The following PLXDC2 variants were observed in gnomAD, a reference collection of about 807,000 sequenced individuals.
PLXDC2 encodes the protein plexin domain containing 2.
Under a neutral mutation model 68.9 loss-of-function variants are expected in PLXDC2, and 40 were observed. The ratio of observed to expected loss-of-function variants is 0.58; its 90% CI spans 0.45 to 0.76. PLXDC2 has a LOEUF of 0.76. PLXDC2 is among the 30% of genes least tolerant of loss of function. PLXDC2 has a pLI of 0.00. For synonymous variants in PLXDC2, 243 were observed against 234.2 expected (o/e 1.04, Z -0.34); for missense variants, 644 against 661.9 (o/e 0.97, Z 0.30).
rs79419796 is a variant in PLXDC2, at chr10:20,138,494, G to C, written c.542-4801G>C. On this transcript the variant is annotated intron_variant, in intron 4 of 13. Coordinates refer to ENST00000377252, the MANE Select transcript of PLXDC2 (RefSeq NM_032812.9). The stretch of plus-strand genomic sequence containing the variant: ...CAGTCTGTAACATTTGGAATTGCGA[G>C]ACCTATACTACCCATGTGGCTTTAG... 8.5e-3 allele frequency among the ~76,000 whole-genome samples: 1,289 copies of C among 152,310 alleles called. 25 individuals are homozygous for C. The highest frequency in any genetic ancestry group is 0.03 in the African/African-American group (1,244 of 41,566).
chr10:19,885,655 G>C (rs1282444073), intron 1 of PLXDC2, among the ~76,000 whole-genome samples: 1 of 151,250 alleles, frequency 6.6e-6, no homozygotes, highest in Non-Finnish European at 1.5e-5. Flanking sequence ...TCAAAGATCA[G>C]ATAGTTGTAG....
rs1046114989 is a variant in PLXDC2, at chr10:20,022,646, C to T, written c.324+20660C>T. 3.3e-5 allele frequency among the ~76,000 whole-genome samples: 5 copies of T among 152,252 alleles called. No individual in the cohort carries two copies. The South Asian group carries it at 8.3e-4, about 25-fold the overall frequency. ...AAACTCCCTCCTCTACACGCTTTGA[C>T]ACATTCAGTATGGGTCCTTTTGCTT... On this transcript the variant is annotated intron_variant, in intron 2 of 13. Coordinates refer to ENST00000377252, the MANE Select transcript of PLXDC2 (RefSeq NM_032812.9).
In PLXDC2 at chr10:20,177,369, C is replaced by T; in HGVS notation, c.1021C>T (p.Gln341Ter). ...FNRCGPCVSS[Q>*]IGFNCSWCSK... ...CAGATGTGGCCCCTGTGTATCTTCT[C>T]AGATTGGCTTCAACTGCAGTTGGTG... Residue 341 changes from glutamine (Q) to a stop codon, truncating the protein, a stop_gained, in exon 9 of 14, where the codon CAG becomes TAG. Coordinates refer to ENST00000377252, the MANE Select transcript of PLXDC2 (RefSeq NM_032812.9). LOFTEE classifies it high-confidence loss of function. 6.2e-7 allele frequency: 1 copy of T among 1,603,150 alleles called. No homozygotes were observed. The highest frequency in any genetic ancestry group is 8.5e-7 in the Non-Finnish European group (1 of 1,170,922).
chr10:20,011,958 T>C (rs1202100938), intron 2 of PLXDC2, among the ~76,000 whole-genome samples: 1 of 152,142 alleles, frequency 6.6e-6, no homozygotes, highest in Non-Finnish European at 1.5e-5. Context: ...ACTGAAAACA[T>C]GAAGGATGAT....
chr10:20,149,229 C>CCT (rs1834120053), intron 6 of PLXDC2, among the ~76,000 whole-genome samples: 31 of 34,934 alleles, frequency 8.9e-4, no homozygotes, highest in African/African-American at 3.4e-3. Context: ...TTTTTCTTTT[C>CCT]TTTTTTTTTT....
At chr10:19,868,185 C>T (rs148288598) in intron 1 of PLXDC2, among the ~76,000 whole-genome samples, 17 of 152,016 alleles carry the variant, frequency 1.1e-4, no homozygotes, top group East Asian at 5.8e-4. Context: ...TTGTGTTTCA[C>T]GGGGAATTTG....
At chr10:20,080,800 T>C (rs2131720366) in intron 4 of PLXDC2, among the ~76,000 whole-genome samples, 1 of 152,242 alleles carries the variant, frequency 6.6e-6, no homozygotes, top group African/African-American at 2.4e-5. Context: ...CAAACCACTG[T>C]CCCCAAAATG....
At chr10:20,202,190 C>G (rs1834929646) in intron 9 of PLXDC2, among the ~76,000 whole-genome samples, 2 of 151,754 alleles carry the variant, frequency 1.3e-5, no homozygotes, top group Admixed American at 1.3e-4. Flanking sequence ...AAAAAAGGAA[C>G]AAGAAAAAAA....
chr10:19,977,687 C>G (rs911077792), intron 1 of PLXDC2, among the ~76,000 whole-genome samples: 1 of 152,148 alleles, frequency 6.6e-6, no homozygotes, highest in South Asian at 2.1e-4. Flanking sequence ...GGTGAGGACT[C>G]TTTCCGGGGT....
At chr10:19,850,586 A>G (rs1302214524) in intron 1 of PLXDC2, among the ~76,000 whole-genome samples, 3 of 152,306 alleles carry the variant, frequency 2.0e-5, no homozygotes, top group South Asian at 4.1e-4. Context: ...TGGTTCCTCC[A>G]TGTCCACCAC....
At chr10:19,944,281 G>T (rs1305324552) in intron 1 of PLXDC2, among the ~76,000 whole-genome samples, 1 of 151,900 alleles carries the variant, frequency 6.6e-6, no homozygotes, top group Non-Finnish European at 1.5e-5. Flanking sequence ...TTAAGAATCT[G>T]CTTTTTTTTC....
At chr10:19,998,683 T>G (rs974388969) in intron 1 of PLXDC2, among the ~76,000 whole-genome samples, 1 of 152,210 alleles carries the variant, frequency 6.6e-6, no homozygotes, top group Admixed American at 6.5e-5. Context: ...AGATCTGTTT[T>G]CCAAGTTTGA....
chr10:19,918,953 C>G (rs542489876), intron 1 of PLXDC2, among the ~76,000 whole-genome samples: 30 of 152,270 alleles, frequency 2.0e-4, no homozygotes, highest in African/African-American at 7.0e-4. Flanking sequence ...ATTCCTGCAT[C>G]TGAGGATCCT....
chr10:20,179,875 A>G (rs1397884740), intron 9 of PLXDC2, among the ~76,000 whole-genome samples: 3 of 152,080 alleles, frequency 2.0e-5, no homozygotes, highest in South Asian at 2.1e-4. Flanking sequence ...CTCATAGCTC[A>G]TAAGTGATAA....
At chr10:19,961,723 T>C (rs1035900416) in intron 1 of PLXDC2, among the ~76,000 whole-genome samples, 3 of 152,212 alleles carry the variant, frequency 2.0e-5, no homozygotes, top group Non-Finnish European at 4.4e-5. Context: ...AAATGTTTGC[T>C]CTGAGGAAGC....
At chr10:20,036,505 G>A (rs1417320178) in intron 2 of PLXDC2, among the ~76,000 whole-genome samples, 2 of 152,102 alleles carry the variant, frequency 1.3e-5, no homozygotes, top group African/African-American at 4.8e-5. Context: ...CCTGAACTAA[G>A]GCAGTATGTA....
At chr10:20,174,087 A>C (rs1182019712) in intron 7 of PLXDC2, among the ~76,000 whole-genome samples, 1 of 152,170 alleles carries the variant, frequency 6.6e-6, no homozygotes, top group African/African-American at 2.4e-5. Context: ...GTGTAACATG[A>C]AATAAAAGGA....
intron 1 of PLXDC2, among the ~76,000 whole-genome samples, chr10:19,851,676 G>T (rs557074048): frequency 2.0e-5 from 3 of 152,112 alleles, no homozygotes; most frequent in Non-Finnish European, 4.4e-5. Context: ...CTCCCCAGTA[G>T]CTGGAATTAC....
At chr10:20,108,380 A>G (rs369331367) in intron 4 of PLXDC2, among the ~76,000 whole-genome samples, 13 of 152,338 alleles carry the variant, frequency 8.5e-5, no homozygotes, top group African/African-American at 2.6e-4. Flanking sequence ...TTCTTAGGAA[A>G]TGTACTAAGG....
Sources: gnomAD v4.1 joint callset for allele counts (sites outside exome capture counted in the v4.1 genomes callset) on GRCh38, gnomAD v4.1.1 for gene constraint, MANE v1.5 for transcripts, NCBI Gene and HGNC (gene_info 2026-07-23, HGNC 2026-07-21) for gene names.